Variants in LRRC4C observed in about 807,000 individuals in gnomAD.
The protein encoded by LRRC4C is leucine-rich repeat-containing protein 4C.
In LRRC4C, 5 loss-of-function variants were observed where a neutral mutation model predicts 33.6. The ratio of observed to expected loss-of-function variants is 0.15; its 90% CI spans 0.08 to 0.31. The LOEUF (loss-of-function observed/expected upper bound fraction) is 0.31. LRRC4C is among the 10% of genes least tolerant of loss of function. The pLI is 1.00. For missense variants in LRRC4C, 560 were observed against 796.7 expected (o/e 0.70, Z 3.58); for synonymous variants, 329 against 302.0 (o/e 1.09, Z -0.93).
chr11:40,719,587 A>C (rs570739678), intron 2 of LRRC4C, among the ~76,000 whole-genome samples: 3 of 152,192 alleles, frequency 2.0e-5, no homozygotes, highest in Non-Finnish European at 2.9e-5. Context: ...TGAAAATTCT[A>C]CTACTGAGGA....
chr11:40,758,713 G>A (rs927062874), intron 2 of LRRC4C, among the ~76,000 whole-genome samples: 7 of 151,926 alleles, frequency 4.6e-5, no homozygotes, highest in African/African-American at 1.7e-4. Flanking sequence ...TGAGATGCAG[G>A]GAGCATACAA....
At chr11:40,958,516 C>G (rs1189967203) in intron 1 of LRRC4C, among the ~76,000 whole-genome samples, 5 of 151,676 alleles carry the variant, frequency 3.3e-5, no homozygotes, top group African/African-American at 1.2e-4. Flanking sequence ...ATTCCATGAA[C>G]ATGGGACTAA....
intron 1 of LRRC4C, among the ~76,000 whole-genome samples, chr11:40,934,680 G>A (rs547326038): frequency 6.6e-6 from 1 of 151,904 alleles, no homozygotes; most frequent in South Asian, 2.1e-4. Flanking sequence ...CTAATTGTTT[G>A]TAATAATAAT....
chr11:41,299,377 G>A lies in LRRC4C; in HGVS notation c.-496+160054C>T, dbSNP rs188004153. Reference sequence around the variant, plus strand: ...TAAGGTTACATTGCATCAAACCTGCGTAAATTTACTCACTTCAACAATCAC... The same window carrying A: ...TAAGGTTACATTGCATCAAACCTGCATAAATTTACTCACTTCAACAATCAC... On this transcript the variant is annotated intron_variant, in intron 1 of 6. Coordinates refer to ENST00000528697, the MANE Select transcript of LRRC4C (RefSeq NM_001258419.2). 6.9e-4 allele frequency among the ~76,000 whole-genome samples: 105 copies of A among 152,126 alleles called. 3 individuals are homozygous for A. Among genetic ancestry groups the A allele is most frequent in the East Asian group, 3.3e-3 (17 of 5,180 alleles).
chr11:40,442,316 A>C (rs1270725779), intron 3 of LRRC4C, among the ~76,000 whole-genome samples: 1 of 152,248 alleles, frequency 6.6e-6, no homozygotes, highest in African/African-American at 2.4e-5. Context: ...GTGCCATGGC[A>C]AGAAAAGCTG....
At chr11:40,483,892 T>C (rs1382921229) in intron 3 of LRRC4C, among the ~76,000 whole-genome samples, 1 of 151,524 alleles carries the variant, frequency 6.6e-6, no homozygotes, top group Non-Finnish European at 1.5e-5. Context: ...AAAACAATAA[T>C]CCAAAAAGCA....
chr11:40,975,620 GAAT>G (rs1852028684), intron 1 of LRRC4C, among the ~76,000 whole-genome samples: 1 of 152,122 alleles, frequency 6.6e-6, no homozygotes, highest in Non-Finnish European at 1.5e-5. Flanking sequence ...CTACCAACTA[GAAT>G]AATAACAAAG....
intron 3 of LRRC4C, among the ~76,000 whole-genome samples, chr11:40,496,459 A>G (rs538138216): frequency 6.6e-6 from 1 of 152,334 alleles, no homozygotes; most frequent in South Asian, 2.1e-4. Context: ...AGTTACATGA[A>G]GAGATATATT....
chr11:41,275,097 G>T (rs748698968), intron 1 of LRRC4C, among the ~76,000 whole-genome samples: 1 of 152,082 alleles, frequency 6.6e-6, no homozygotes. Context: ...GCTCCCTCTC[G>T]CCATGAGATA....
At chr11:41,017,356 T>C (rs1448883296) in intron 1 of LRRC4C, among the ~76,000 whole-genome samples, 1 of 152,208 alleles carries the variant, frequency 6.6e-6, no homozygotes, top group Admixed American at 6.5e-5. Flanking sequence ...GTGAAGCTTT[T>C]ATTTTCACTT....
At chr11:41,211,986 G>A (rs1354717934) in intron 1 of LRRC4C, among the ~76,000 whole-genome samples, 6 of 152,104 alleles carry the variant, frequency 3.9e-5, no homozygotes, top group Non-Finnish European at 7.4e-5. Flanking sequence ...ATCCTCTCCA[G>A]CACCTGTTAT....
intron 2 of LRRC4C, among the ~76,000 whole-genome samples, chr11:40,831,175 AAATTATTCCTGAATTCTAAGT>A (rs2135546690): frequency 6.6e-6 from 1 of 152,274 alleles, no homozygotes; most frequent in East Asian, 1.9e-4. Flanking sequence ...GGGTTCTAAG[AAATTATTCCTGAATTCTAAGT>A]AATTATTCCT....
intron 2 of LRRC4C, among the ~76,000 whole-genome samples, chr11:40,680,334 T>C (rs1944621592): frequency 6.6e-6 from 1 of 152,218 alleles, no homozygotes; most frequent in Non-Finnish European, 1.5e-5. Flanking sequence ...TAGTTAATCC[T>C]GAAATAAGTT....
intron 1 of LRRC4C, among the ~76,000 whole-genome samples, chr11:41,411,142 ATTTTTTTTTTT>A (rs370574515): frequency 1.7e-5 from 1 of 57,238 alleles, no homozygotes; most frequent in African/African-American, 1.2e-4. Flanking sequence ...TTGGTACCCT[ATTTTTTTTTTT>A]TTTTTTTTTT....
intron 1 of LRRC4C, among the ~76,000 whole-genome samples, chr11:41,199,719 C>T (rs1252821058): frequency 2.6e-5 from 4 of 152,010 alleles, no homozygotes; most frequent in South Asian, 2.1e-4. Flanking sequence ...GCCATGCCAG[C>T]GTTTCTGTGA....
chr11:41,046,774 G>C (rs1289523459), intron 1 of LRRC4C, among the ~76,000 whole-genome samples: 1 of 152,094 alleles, frequency 6.6e-6, no homozygotes, highest in Non-Finnish European at 1.5e-5. Context: ...GTTTCACGGT[G>C]AAAAATGGCT....
chr11:40,611,164 C>T (rs1961178785), intron 3 of LRRC4C, among the ~76,000 whole-genome samples: 1 of 151,730 alleles, frequency 6.6e-6, no homozygotes, highest in African/African-American at 2.4e-5. Context: ...ATGAAACTGG[C>T]ATAAAGACAG....
intron 2 of LRRC4C, among the ~76,000 whole-genome samples, chr11:40,926,265 G>A (rs1393593738): frequency 6.6e-6 from 1 of 152,090 alleles, no homozygotes; most frequent in Non-Finnish European, 1.5e-5. Context: ...TGACCTCCGT[G>A]CTCCATGTTG....
chr11:40,921,608 T>C (rs563842957), intron 2 of LRRC4C, among the ~76,000 whole-genome samples: 2 of 152,306 alleles, frequency 1.3e-5, no homozygotes, highest in South Asian at 2.1e-4. Flanking sequence ...CTTGTTTTTT[T>C]CAACAAATTT....
Sources: allele counts gnomAD v4.1 joint callset (sites outside exome capture counted in the v4.1 genomes callset), GRCh38; gene constraint gnomAD v4.1.1; transcripts MANE v1.5; gene names NCBI Gene and HGNC (gene_info 2026-07-23, HGNC 2026-07-21).